The following DPYD variants were observed in gnomAD, a reference collection of about 807,000 sequenced individuals.
DPYD encodes dihydropyrimidine dehydrogenase, also known as dihydropyrimidine dehydrogenase [NADP(+)].
DPYD carries 109 observed loss-of-function variants against 116.2 expected under a neutral mutation model. The ratio of observed to expected loss-of-function variants is 0.94; its 90% CI spans 0.80 to 1.10. DPYD has a LOEUF of 1.10. Ranked by LOEUF, DPYD falls within the 50% of genes least tolerant of loss-of-function variation. The pLI, the probability that DPYD is intolerant of heterozygous loss-of-function variation, is 0.00. For missense variants in DPYD, 1,302 were observed against 1,254.5 expected (o/e 1.04, Z -0.57); for synonymous variants, 440 against 432.0 (o/e 1.02, Z -0.23).
chr1:97,192,294 T>C (rs1658429230), intron 20 of DPYD, among the ~76,000 whole-genome samples: 1 of 152,160 alleles, frequency 6.6e-6, no homozygotes, highest in African/African-American at 2.4e-5. Flanking sequence ...CAAGTTAAGA[T>C]TCATTTGAAT....
intron 18 of DPYD, among the ~76,000 whole-genome samples, chr1:97,279,565 C>T (rs775335316): frequency 3.3e-5 from 5 of 152,164 alleles, no homozygotes; most frequent in Non-Finnish European, 7.3e-5. Context: ...GGCTGGAGTG[C>T]AGTGGTGCGA....
intron 7 of DPYD, among the ~76,000 whole-genome samples, chr1:97,686,380 T>C (rs540903758): frequency 6.6e-5 from 10 of 152,056 alleles, no homozygotes; most frequent in Admixed American, 4.6e-4. Context: ...CTCACGCCTG[T>C]AATCCCAGCA....
chr1:97,358,842 C>T (rs1670558999), intron 16 of DPYD, among the ~76,000 whole-genome samples: 1 of 152,122 alleles, frequency 6.6e-6, no homozygotes, highest in Non-Finnish European at 1.5e-5. Flanking sequence ...GATAAAACCA[C>T]AAAGATGGGG....
chr1:97,158,590 A>C (rs922151104), intron 20 of DPYD, among the ~76,000 whole-genome samples: 1 of 151,524 alleles, frequency 6.6e-6, no homozygotes, highest in Non-Finnish European at 1.5e-5. Flanking sequence ...GGCACCTGGA[A>C]GAAGGGAATG....
chr1:97,861,695 A>C (rs938291414), intron 2 of DPYD, among the ~76,000 whole-genome samples: 1 of 151,984 alleles, frequency 6.6e-6, no homozygotes, highest in African/African-American at 2.4e-5. Flanking sequence ...CCTTACTAGT[A>C]ATTTGGGAAA....
chr1:97,146,081 GTTGT>G (rs992833086), intron 20 of DPYD, among the ~76,000 whole-genome samples: 7 of 151,962 alleles, frequency 4.6e-5, no homozygotes, highest in Non-Finnish European at 1.0e-4. Context: ...GACTTGTTTT[GTTGT>G]TTGTTTTTCT....
rs148136903 is a variant in DPYD, at chr1:97,761,580, T to G, written c.234-21101A>C. Among the ~76,000 whole-genome samples, 15 of 152,080 alleles carry G rather than the reference T, an allele frequency of 9.9e-5. No individual in the cohort carries two copies. The East Asian group carries it at 2.9e-3, about 29-fold the overall frequency. Reference sequence around the variant, plus strand: ...AATTCTTACACACTGTTGCTGGGAGTGTAAATTGTTCCAATCATTGTGGAA... The same window carrying G: ...AATTCTTACACACTGTTGCTGGGAGGGTAAATTGTTCCAATCATTGTGGAA... On this transcript the variant is annotated intron_variant, in intron 3 of 22. Transcript: ENST00000370192.
At chr1:97,646,201 T>A (rs1022304074) in intron 8 of DPYD, among the ~76,000 whole-genome samples, 6 of 152,166 alleles carry the variant, frequency 3.9e-5, no homozygotes, top group African/African-American at 1.4e-4. Context: ...TCTGTTCCAG[T>A]GCAGTGCAGA....
At chr1:97,815,046 A>T (rs1374924524) in intron 3 of DPYD, among the ~76,000 whole-genome samples, 1 of 151,310 alleles carries the variant, frequency 6.6e-6, no homozygotes. Flanking sequence ...AAGGAGAGAG[A>T]GAGAAAGAGG....
At chr1:97,731,615 G>C (rs1663617338) in intron 4 of DPYD, among the ~76,000 whole-genome samples, 1 of 151,908 alleles carries the variant, frequency 6.6e-6, no homozygotes, top group Non-Finnish European at 1.5e-5. Context: ...CACTGAACAA[G>C]AAATCTAGAA....
chr1:97,864,450 A>T (rs1422932897), intron 2 of DPYD, among the ~76,000 whole-genome samples: 3 of 151,916 alleles, frequency 2.0e-5, no homozygotes, highest in Non-Finnish European at 4.4e-5. Context: ...TAGGCCACTA[A>T]GGAGTGGAAT....
At chr1:97,594,917 T>G in intron 9 of DPYD, 142 bp downstream of exon 9, 1 of 613,976 alleles carries the variant, frequency 1.6e-6, no homozygotes, top group South Asian at 1.9e-5. Flanking sequence ...CCCGGCCTTT[T>G]TTTTTTTAAT....
chr1:97,396,272 G>A (rs1446353937), intron 14 of DPYD, among the ~76,000 whole-genome samples: 1 of 151,800 alleles, frequency 6.6e-6, no homozygotes, highest in East Asian at 1.9e-4. Context: ...ACTACTCACA[G>A]TTGCATGGCT....
At chr1:97,718,233 T>C (rs556981415) in intron 5 of DPYD, among the ~76,000 whole-genome samples, 1 of 152,156 alleles carries the variant, frequency 6.6e-6, no homozygotes, top group South Asian at 2.1e-4. Flanking sequence ...TGTTGAGTAT[T>C]TTTTCACATT....
intron 6 of DPYD, among the ~76,000 whole-genome samples, chr1:97,693,206 G>A (rs1421282225): frequency 6.8e-6 from 1 of 146,978 alleles, no homozygotes; most frequent in Non-Finnish European, 1.5e-5. Context: ...CAGGAGAATA[G>A]TGTGAACCCG....
Position 97,720,529 on chromosome 1 carries a change from T to A in DPYD, c.483+981A>T, listed in dbSNP as rs1662863814. 2.9e-6 allele frequency: 3 copies of A among 1,018,610 alleles called. No homozygotes were observed. In the South Asian group the frequency reaches 1.3e-4, roughly 45 times the overall value. 63.1% of individuals were successfully genotyped at this position (1,018,610 alleles called of 1,614,324 possible). On this transcript the variant is annotated intron_variant, in intron 5 of 22. Transcript: ENST00000370192. ...ACAACCTCGAATTGTTTTTATTTTC[T>A]TATTCCCAGGAGCTCTTCTTTAGAA...
chr1:97,206,149 A>C (rs1472970056), intron 19 of DPYD, among the ~76,000 whole-genome samples: 1 of 151,906 alleles, frequency 6.6e-6, no homozygotes, highest in Non-Finnish European at 1.5e-5. Context: ...ACACTCCTCC[A>C]AGGGTCTTTC....
At chr1:97,482,117 C>A (rs569501561) in intron 13 of DPYD, among the ~76,000 whole-genome samples, 2 of 152,168 alleles carry the variant, frequency 1.3e-5, no homozygotes, top group South Asian at 4.2e-4. Context: ...ATTGAACAAG[C>A]GTAGTGCTGG....
At chr1:97,239,404 G>T (rs1399243524) in intron 18 of DPYD, among the ~76,000 whole-genome samples, 36 of 151,822 alleles carry the variant, frequency 2.4e-4, no homozygotes, top group Admixed American at 2.3e-3. Context: ...TGACAATCAG[G>T]TTCCTTACTC....
Sources: allele counts gnomAD v4.1 joint callset (sites outside exome capture counted in the v4.1 genomes callset), GRCh38; gene constraint gnomAD v4.1.1; transcripts MANE v1.5; gene names NCBI Gene and HGNC (gene_info 2026-07-23, HGNC 2026-07-21).